The following C2CD3 variants were observed in gnomAD, a reference collection of about 807,000 sequenced individuals.
C2CD3 encodes the protein C2 domain containing 3 centriole elongation regulator.
A neutral mutation model predicts 234.0 loss-of-function variants in C2CD3; 148 were observed. The ratio of observed to expected loss-of-function variants is 0.63; its 90% confidence interval spans 0.55 to 0.72. The LOEUF is 0.72. Among genes scored for constraint, C2CD3 ranks in the 30% least tolerant of loss-of-function variants. The pLI is 0.00. For synonymous variants in C2CD3, 1,000 were observed against 1,035.4 expected, an observed-to-expected ratio of 0.97 and a Z score of 0.66; for missense variants, 2,577 against 2,811.5, an observed-to-expected ratio of 0.92 and a Z score of 1.89.
chr11:74,061,766 C>T (rs1016020629), intron 24 of C2CD3, among the ~76,000 whole-genome samples: 13 of 152,312 alleles, frequency 8.5e-5, no homozygotes, highest in African/African-American at 2.9e-4. Flanking sequence ...CAAATTCACA[C>T]ATTAACAATA....
intron 20 of C2CD3, among the ~76,000 whole-genome samples, chr11:74,088,415 C>T (rs1413819044): frequency 6.6e-6 from 1 of 152,156 alleles, no homozygotes; most frequent in Non-Finnish European, 1.5e-5. Context: ...GTCCATTATA[C>T]CATGCATTGT....
chr11:74,158,445 G>A (rs986186935), intron 3 of C2CD3, among the ~76,000 whole-genome samples: 1 of 152,124 alleles, frequency 6.6e-6, no homozygotes, highest in East Asian at 1.9e-4. Flanking sequence ...CAACAGGGCT[G>A]GGCGTGGTGG....
chr11:74,022,980 T>C (rs1377984624), intron 32 of C2CD3, among the ~76,000 whole-genome samples: 3 of 152,238 alleles, frequency 2.0e-5, no homozygotes, highest in African/African-American at 4.8e-5. Flanking sequence ...ACAACCACCC[T>C]GTGAGGCCTG....
chr11:74,166,335 AC>A (rs202179293), intron 2 of C2CD3, among the ~76,000 whole-genome samples: 9,024 of 147,756 alleles, frequency 0.061, 654 homozygotes, highest in African/African-American at 0.19. Flanking sequence ...AAAAAAAAAA[AC>A]CATGTCATGT....
intron 1 of C2CD3, 85 bp downstream of exon 1, chr11:74,170,653 T>C: frequency 6.7e-7 from 1 of 1,487,674 alleles, no homozygotes; most frequent in Non-Finnish European, 9.4e-7. Context: ...TTCTTGTTTA[T>C]CCAGCGGGGG....
At chr11:74,114,676 A>G (rs1956866669) in intron 9 of C2CD3, 83 bp from the exon 10 acceptor site, 7 of 872,564 alleles carry the variant, frequency 8.0e-6, no homozygotes, top group Admixed American at 4.0e-5. Flanking sequence ...CAAGATGAGG[A>G]AAAAGGGAGG....
chr11:74,157,706 A>G (rs1360617222), intron 3 of C2CD3, among the ~76,000 whole-genome samples: 1 of 152,196 alleles, frequency 6.6e-6, no homozygotes, highest in Non-Finnish European at 1.5e-5. Flanking sequence ...AATACAATTG[A>G]CAAAGTATAA....
rs764966083 is a variant in C2CD3 at position 74,078,150 on chromosome 11, A to G, written c.4568T>C (p.Leu1523Pro). Residue 1523 changes from leucine to proline, a missense_variant, in exon 23 of 33, where the codon CTT becomes CCT. Leu to Pro is a moderately conservative substitution (Grantham distance 98). Transcript: ENST00000334126. ...TAGCGTCCTCGCTGACCTCTCCCCA[A>G]GTCTGGCCAGGTCCACATAGGCTGA... ...IGSAYVDLAR[L>P]GERSARTLTV... The G allele has an allele frequency of 4.8e-5, 78 of 1,613,726 alleles. No homozygotes were observed. In the Admixed American group the frequency reaches 5.5e-4, roughly 11 times the overall value.
chr11:74,158,344 A>AT (rs967616243), intron 3 of C2CD3, among the ~76,000 whole-genome samples: 1 of 151,846 alleles, frequency 6.6e-6, no homozygotes, highest in Non-Finnish European at 1.5e-5. Context: ...GCAACAAAAC[A>AT]TTTTTTTAAT....
Position 74,085,562 on chromosome 11 carries a change from C to T in C2CD3, c.3910+56G>A. The stretch of plus-strand genomic sequence containing the variant: ...TATGTATCTCCTAGGAAGGGCTATA[C>T]TATTCACAATGCAGCCTCTTTTAAT... On this transcript the variant is annotated intron_variant, in intron 21 of 32. Transcript: ENST00000334126. 1.9e-6 allele frequency: 3 copies of T among 1,572,260 alleles called. No homozygotes were observed. In the South Asian group the frequency reaches 3.4e-5, roughly 18 times the overall value.
rs1952593944 is a variant in C2CD3 at position 74,033,238 on chromosome 11, G to A, written c.6809+113C>T. The A allele has an allele frequency of 5.0e-6, 4 of 806,726 alleles. No homozygotes were observed. The Admixed American group carries it at 8.4e-5, about 17-fold the overall frequency. 50.0% of individuals were successfully genotyped at this position (806,726 alleles called of 1,614,324 possible). On this transcript the variant is annotated intron_variant, in intron 31 of 32. Transcript: ENST00000334126. Reference sequence around the variant, plus strand: ...TGCAGGTGGGGTCTTCTGAAGGAATGGTCTTTCCATGCCCCCTAGTGCATT... The same window carrying A: ...TGCAGGTGGGGTCTTCTGAAGGAATAGTCTTTCCATGCCCCCTAGTGCATT...
intron 3 of C2CD3, among the ~76,000 whole-genome samples, chr11:74,151,771 T>C (rs1210266102): frequency 6.6e-6 from 1 of 151,994 alleles, no homozygotes; most frequent in Admixed American, 6.6e-5. Flanking sequence ...AGACACCAAA[T>C]GATGGGTGAT....
At chr11:74,157,663 T>C (rs907608403) in intron 3 of C2CD3, among the ~76,000 whole-genome samples, 2 of 152,200 alleles carry the variant, frequency 1.3e-5, no homozygotes, top group South Asian at 4.1e-4. Flanking sequence ...ACTATTTTCT[T>C]ATTTAGTATT....
intron 5 of C2CD3, among the ~76,000 whole-genome samples, chr11:74,135,228 G>T (rs1957820896): frequency 6.6e-6 from 1 of 151,416 alleles, no homozygotes; most frequent in African/African-American, 2.4e-5. Flanking sequence ...ACTTGTCTAG[G>T]TATTACCATG....
intron 10 of C2CD3, 58 bp from the exon 11 acceptor site, chr11:74,113,950 T>C: frequency 9.7e-7 from 1 of 1,034,278 alleles, no homozygotes; most frequent in Non-Finnish European, 1.4e-6. Context: ...AATTTCCGTC[T>C]GATAAATCCA....
In C2CD3 at chr11:74,170,898, C is replaced by T; in HGVS notation, c.-106G>A. 6.3e-7 allele frequency: 1 copy of T among 1,583,286 alleles called. No individual in the cohort carries two copies. Among genetic ancestry groups the T allele is most frequent in the Non-Finnish European group, 8.6e-7 (1 of 1,166,024 alleles). On this transcript the variant is annotated 5_prime_UTR_variant, in exon 1 of 33. Transcript: ENST00000334126. The stretch of plus-strand genomic sequence containing the variant: ...CGCCTGCGTTCCCCGGCAACCGGCG[C>T]CGCTGGGCAGCCTGGGAGGCAGGAA...
At chr11:74,106,521 GATTA>G in intron 12 of C2CD3, 28 bp from the exon 13 acceptor site, 5 of 1,606,196 alleles carry the variant, frequency 3.1e-6, no homozygotes, top group Non-Finnish European at 4.3e-6. Flanking sequence ...AGAACATTTA[GATTA>G]ATTAAAGAGA....
chr11:74,037,767 C>G (rs1952813021), intron 29 of C2CD3, 69 bp from the exon 30 acceptor site: 2 of 1,203,798 alleles, frequency 1.7e-6, no homozygotes, highest in Non-Finnish European at 2.4e-6. Flanking sequence ...TCTTATGTCC[C>G]CTGGACACTA....
chr11:74,156,589 C>T (rs1232544124), intron 3 of C2CD3, among the ~76,000 whole-genome samples: 1 of 151,968 alleles, frequency 6.6e-6, no homozygotes, highest in Non-Finnish European at 1.5e-5. Context: ...GCAGGAGAAC[C>T]GCTTAAGCCC....
Sources: allele counts gnomAD v4.1 joint callset (sites outside exome capture counted in the v4.1 genomes callset), GRCh38; gene constraint gnomAD v4.1.1; transcripts MANE v1.5; gene names NCBI Gene and HGNC (gene_info 2026-07-23, HGNC 2026-07-21).